The following KLHDC4 variants were observed in gnomAD, a reference collection of about 807,000 sequenced individuals.
The protein encoded by KLHDC4 is kelch domain-containing protein 4.
A neutral mutation model predicts 62.4 loss-of-function variants in KLHDC4; 90 were observed. The ratio of observed to expected loss-of-function variants is 1.44; its 90% CI spans 1.22 to 1.72. The LOEUF (loss-of-function observed/expected upper bound fraction) is 1.72. Among genes scored for constraint, KLHDC4 ranks in the 40% most tolerant of loss-of-function variants. The probability of loss-of-function intolerance (pLI) is 0.00; values close to 1 mark genes in which losing one functional copy is unlikely to be tolerated. For missense variants in KLHDC4, 1,025 were observed against 699.7 expected (o/e 1.47, Z -5.25); for synonymous variants, 386 against 284.4 (o/e 1.36, Z -3.59).
chr16:87,753,823 AT>A (rs2044414235), intron 4 of KLHDC4, among the ~76,000 whole-genome samples: 1 of 143,936 alleles, frequency 6.9e-6, no homozygotes, highest in East Asian at 2.1e-4. Flanking sequence ...AAAAAAAAAA[AT>A]TAGCCAAGCG....
chr16:87,724,419 G>A (rs577544719), intron 7 of KLHDC4, among the ~76,000 whole-genome samples: 1 of 152,174 alleles, frequency 6.6e-6, no homozygotes, highest in Non-Finnish European at 1.5e-5. Flanking sequence ...CACTTCGGAA[G>A]GTGACCAGCC....
exon 1 of KLHDC4, chr16:87,698,617 C>T (rs989347048): frequency 6.6e-6 from 1 of 152,272 alleles, no homozygotes. Context: ...CTTCCAGCAG[C>T]GAGGGCAGAG....
In KLHDC4 at chr16:87,726,751, A is replaced by C. The variant is rs1189513992; in HGVS notation, c.759+14T>G. ...GGTCCCACGCCTTGCCTGTTTCCCCACCCCCCGCCTTACCTGTTTCGAGTA... is the reference window on the plus strand; with the variant it reads ...GGTCCCACGCCTTGCCTGTTTCCCCCCCCCCCGCCTTACCTGTTTCGAGTA... On this transcript the variant is annotated intron_variant, in intron 7 of 11. Coordinates refer to ENST00000270583, the MANE Select transcript of KLHDC4 (RefSeq NM_017566.4). The C allele has an allele frequency of 2.4e-5, 29 of 1,202,146 alleles. No individual in the cohort carries two copies. The highest frequency in any genetic ancestry group is 2.7e-5 in the Non-Finnish European group (26 of 954,136). 74.5% of individuals were successfully genotyped at this position (1,202,146 alleles called of 1,614,324 possible). A position where few individuals can be genotyped will look rare whatever the true frequency, so the allele number is the denominator to read the frequency against.
rs1371283020 is a variant in KLHDC4, at chr16:87,755,271, A to G, written c.292T>C (p.Tyr98His). ...GQKTFLYNEL[Y>H]VYNTRKDTWT... ...GTGTCCTTTCTGGTATTGTAGACAT[A>G]GAGCTCGTTATACAAAAAAGTCTAC... is the stretch of plus-strand genomic sequence containing the variant. The change falls in exon 4 of 12, where the codon TAT (tyrosine) becomes CAT (histidine). Residue 98 changes from tyrosine to histidine, a missense_variant. Coordinates refer to ENST00000270583, the MANE Select transcript of KLHDC4 (RefSeq NM_017566.4). 6.2e-7 allele frequency: 1 copy of G among 1,601,244 alleles called. No homozygotes were observed. The highest frequency in any genetic ancestry group is 8.6e-7 in the Non-Finnish European group (1 of 1,168,888).
chr16:87,756,352 T>C (rs2044895191), intron 3 of KLHDC4, 47 bp downstream of exon 3: 2 of 1,362,000 alleles, frequency 1.5e-6, no homozygotes, highest in East Asian at 2.3e-5. Context: ...TTCTGTCAAA[T>C]GATACTCACG....
exon 1 of KLHDC4, chr16:87,702,540 GC>G: frequency 2.8e-6 from 1 of 354,424 alleles, no homozygotes. Flanking sequence ...GGGGGCAGGC[GC>G]CCCCTCCTGG....
At position 87,755,231 on chromosome 16, in the gene KLHDC4, T is replaced by C. The variant is rs146556886; in HGVS notation, c.332A>G (p.Asp111Gly). 2.5e-5 allele frequency: 41 copies of C among 1,612,008 alleles called. No homozygotes were observed. In the African/African-American group the frequency reaches 4.8e-4, roughly 19 times the overall value. ...NTRKDTWTKVDIPSPPPRRCA... is the reference protein window; with the variant it reads ...NTRKDTWTKVGIPSPPPRRCA... Reference sequence around the variant, plus strand: ...GCGCCTCGGAGGTGGACTGGGGATGTCAACTTTGGTCCAGGTGTCCTTTCT... The same window carrying C: ...GCGCCTCGGAGGTGGACTGGGGATGCCAACTTTGGTCCAGGTGTCCTTTCT... Residue 111 changes from aspartate to glycine, a missense_variant, in exon 4 of 12, where the codon GAC becomes GGC. Physicochemically the swap from Asp to Gly is moderately conservative, Grantham distance 94 (BLOSUM62 -1). Coordinates refer to ENST00000270583, the MANE Select transcript of KLHDC4 (RefSeq NM_017566.4).
chr16:87,714,608 CA>C, intron 7 of KLHDC4, 35 bp from the exon 8 acceptor site: 1 of 1,611,042 alleles, frequency 6.2e-7, no homozygotes, highest in Admixed American at 1.7e-5. Flanking sequence ...GAACCGGGGG[CA>C]GCTACAGTGG....
At chr16:87,714,445 T>C in intron 8 of KLHDC4, 53 bp downstream of exon 8, 2 of 1,537,746 alleles carry the variant, frequency 1.3e-6, no homozygotes, top group East Asian at 2.5e-5. Flanking sequence ...GGGCTCTGCC[T>C]CCCGCCACAC....
Position 87,730,564 on chromosome 16 carries a change from T to C in KLHDC4, c.587A>G (p.His196Arg), listed in dbSNP as rs200799287. ...KRQLILFGGFHESTRDYIYYN... is the reference protein window; with the variant it reads ...KRQLILFGGFRESTRDYIYYN... ...TCTTGGTACCAACCGTGTACTTTCA[T>C]GGAAGCCACCAAACAGGATCAATTG... Residue 196 changes from histidine (H) to arginine (R), a missense_variant, in exon 6 of 12, where the codon CAT becomes CGT. Coordinates refer to ENST00000270583, the MANE Select transcript of KLHDC4 (RefSeq NM_017566.4). 48 of 1,612,204 alleles carry C rather than the reference T, an allele frequency of 3.0e-5. No homozygotes were observed. In the East Asian group the frequency reaches 9.8e-4, roughly 33 times the overall value.
At chr16:87,715,383 C>A (rs991453357) in intron 7 of KLHDC4, among the ~76,000 whole-genome samples, 3 of 152,162 alleles carry the variant, frequency 2.0e-5, no homozygotes, top group Non-Finnish European at 2.9e-5. Flanking sequence ...CTCCTTGGCG[C>A]CCTTGTGACG....
chr16:87,758,852 C>T (rs992593087), intron 2 of KLHDC4, among the ~76,000 whole-genome samples: 55 of 152,116 alleles, frequency 3.6e-4, no homozygotes, highest in African/African-American at 1.3e-3. Context: ...TGAAGTAATT[C>T]CACTGAACTG....
intron 8 of KLHDC4, among the ~76,000 whole-genome samples, chr16:87,713,869 A>G (rs975945820): frequency 1.3e-5 from 2 of 152,146 alleles, no homozygotes; most frequent in Non-Finnish European, 2.9e-5. Context: ...CTTAGATCCC[A>G]GTTTAGCTAA....
chr16:87,738,570 C>A (rs1030050979), intron 5 of KLHDC4, among the ~76,000 whole-genome samples: 1 of 148,998 alleles, frequency 6.7e-6, no homozygotes, highest in African/African-American at 2.5e-5. Flanking sequence ...CACACCAGCA[C>A]CTCATCCATC....
At chr16:87,750,636 G>C (rs921567064) in intron 4 of KLHDC4, among the ~76,000 whole-genome samples, 7 of 152,204 alleles carry the variant, frequency 4.6e-5, no homozygotes, top group Admixed American at 1.3e-4. Context: ...GGTCAAGTGC[G>C]CCTCGGGTGG....
At chr16:87,765,084 G>A (rs1290175931) in intron 1 of KLHDC4, 3 of 455,674 alleles carry the variant, frequency 6.6e-6, no homozygotes, top group East Asian at 6.9e-5. Flanking sequence ...GAGGAGTAAA[G>A]CCCAGGGAGC....
At chr16:87,726,946 G>A (rs756420676) in intron 6 of KLHDC4, 22 bp from the exon 7 acceptor site, 2 of 1,612,704 alleles carry the variant, frequency 1.2e-6, no homozygotes, top group South Asian at 1.1e-5. Flanking sequence ...AACAGCAGCT[G>A]TCAGGGTCCG....
At chr16:87,713,201 A>AT (rs936272179) in intron 8 of KLHDC4, among the ~76,000 whole-genome samples, 79 of 149,802 alleles carry the variant, frequency 5.3e-4, no homozygotes, top group African/African-American at 1.6e-3. Context: ...CTGGCTACAT[A>AT]TTTTTTTTGT....
At chr16:87,755,713 C>A (rs560575668) in intron 3 of KLHDC4, 10 of 178,452 alleles carry the variant, frequency 5.6e-5, no homozygotes, top group South Asian at 1.1e-4. Flanking sequence ...TACAGGCGCC[C>A]GCCACCACAC....
Sources: gnomAD v4.1 joint callset for allele counts (sites outside exome capture counted in the v4.1 genomes callset) on GRCh38, gnomAD v4.1.1 for gene constraint, MANE v1.5 for transcripts, NCBI Gene and HGNC (gene_info 2026-07-23, HGNC 2026-07-21) for gene names.